IQSEC1: variants seen among roughly 807,000 people sequenced by gnomAD.
IQSEC1 encodes IQ motif and SEC7 domain-containing protein 1.
A neutral mutation model predicts 91.0 loss-of-function variants in IQSEC1; 31 were observed. The observed-to-expected ratio is 0.34, with a 90% confidence interval of 0.26 to 0.46. IQSEC1 has a LOEUF of 0.46. IQSEC1 is among the 20% of genes least tolerant of loss of function. The pLI is 1.00. For synonymous variants in IQSEC1, 699 were observed against 662.6 expected (o/e 1.05, Z -0.84); for missense variants, 1,388 against 1,575.6 (o/e 0.88, Z 2.02).
chr3:13,255,099 T>C (rs545941035), intron 1 of IQSEC1, among the ~76,000 whole-genome samples: 49 of 152,326 alleles, frequency 3.2e-4, no homozygotes, highest in African/African-American at 1.1e-3. Context: ...TCAAAACTAA[T>C]TTTCTGGTAC....
upstream of IQSEC1, among the ~76,000 whole-genome samples, chr3:13,075,069 A>G (rs891504544): frequency 6.6e-6 from 1 of 152,164 alleles, no homozygotes; most frequent in African/African-American, 2.4e-5. Context: ...CATATGCATG[A>G]CCAATCTTCC....
At chr3:12,907,591 C>T (rs1332996417) in intron 12 of IQSEC1, among the ~76,000 whole-genome samples, 1 of 152,248 alleles carries the variant, frequency 6.6e-6, no homozygotes, top group Non-Finnish European at 1.5e-5. Flanking sequence ...CCGGCACCCA[C>T]CGGTCGGCCA....
At chr3:13,033,770 G>C (rs533237252) in intron 1 of IQSEC1, among the ~76,000 whole-genome samples, 1 of 152,134 alleles carries the variant, frequency 6.6e-6, no homozygotes, top group Non-Finnish European at 1.5e-5. Context: ...CTGAGCTTCT[G>C]TTCAATTCAG....
intron 1 of IQSEC1, among the ~76,000 whole-genome samples, chr3:13,026,947 T>C (rs185450518): frequency 1.3e-5 from 2 of 149,178 alleles, no homozygotes; most frequent in East Asian, 3.9e-4. Context: ...CAGGATGATA[T>C]ATAAACCCAG....
chr3:13,060,042 T>G (rs931655475), intron 1 of IQSEC1, among the ~76,000 whole-genome samples: 6 of 152,196 alleles, frequency 3.9e-5, no homozygotes, highest in African/African-American at 1.4e-4. Context: ...GGAACGACTG[T>G]GCTGAGTGCC....
At chr3:13,242,685 G>T (rs1264012335) in intron 1 of IQSEC1, among the ~76,000 whole-genome samples, 1 of 152,192 alleles carries the variant, frequency 6.6e-6, no homozygotes, top group African/African-American at 2.4e-5. Context: ...TCCTAGGATT[G>T]GTGCTCGTGC....
At chr3:13,225,421 C>T (rs1049785412) in intron 1 of IQSEC1, among the ~76,000 whole-genome samples, 11 of 152,182 alleles carry the variant, frequency 7.2e-5, no homozygotes, top group African/African-American at 2.4e-4. Context: ...TGATTGTATG[C>T]GATTCTGTTA....
intron 1 of IQSEC1, among the ~76,000 whole-genome samples, chr3:12,968,105 C>A (rs1482209525): frequency 6.6e-6 from 1 of 152,230 alleles, no homozygotes; most frequent in Non-Finnish European, 1.5e-5. Context: ...GTAACCACAA[C>A]AAATGCACAG....
chr3:13,177,267 C>T (rs1203493526), intron 1 of IQSEC1, among the ~76,000 whole-genome samples: 2 of 152,218 alleles, frequency 1.3e-5, no homozygotes, highest in South Asian at 2.1e-4. Context: ...AAGGAAGGAG[C>T]TCTAATAGGA....
chr3:13,181,227 C>T (rs979428182), intron 1 of IQSEC1, among the ~76,000 whole-genome samples: 39 of 152,164 alleles, frequency 2.6e-4, no homozygotes, highest in Non-Finnish European at 3.8e-4. Context: ...GCCAAGATCA[C>T]GCCACTGCAC....
chr3:13,114,850 G>A (rs931204598), intron 2 of IQSEC1, among the ~76,000 whole-genome samples: 5 of 152,136 alleles, frequency 3.3e-5, no homozygotes, highest in Middle Eastern at 3.4e-3. Context: ...GATGGGTGAC[G>A]GGTGCCAAAG....
intron 1 of IQSEC1, among the ~76,000 whole-genome samples, chr3:12,982,548 G>GA (rs1701517035): frequency 6.6e-6 from 1 of 152,152 alleles, no homozygotes; most frequent in Non-Finnish European, 1.5e-5. Flanking sequence ...TGCCATTAAA[G>GA]AAAAAAATGT....
intron 1 of IQSEC1, among the ~76,000 whole-genome samples, chr3:13,019,786 G>A (rs1323561819): frequency 1.3e-5 from 2 of 152,162 alleles, no homozygotes; most frequent in African/African-American, 2.4e-5. Context: ...CATTGGTGGT[G>A]AGGAGGCCAC....
Position 13,154,444 on chromosome 3 carries a change from T to TACATAC in IQSEC1, c.302+9659_302+9660insGTATGT, listed in dbSNP as rs1559265481. Reference sequence around the variant, plus strand: ...GGAAGCTGGAACTTACATGCATATATATATATATATATATATATATATATA... The same window carrying TACATAC: ...GGAAGCTGGAACTTACATGCATATATACATACATATATATATATATATATATATATA... On this transcript the variant is annotated intron_variant, in intron 2 of 15. Coordinates refer to the IQSEC1 transcript ENST00000648114. Among the ~76,000 whole-genome samples the TACATAC allele has an allele frequency of 5.4e-5, 3 of 55,378 alleles. 1 individual carries two copies. Among genetic ancestry groups the TACATAC allele is most frequent in the African/African-American group, 2.3e-4 (3 of 12,860 alleles). The allele number at this position is 55,378 out of a possible 152,430, so 36.3% of individuals were successfully genotyped here. A position where few individuals can be genotyped will look rare whatever the true frequency, so the allele number is the denominator to read the frequency against.
intron 1 of IQSEC1, among the ~76,000 whole-genome samples, chr3:12,963,404 C>T (rs1700363292): frequency 6.6e-6 from 1 of 152,264 alleles, no homozygotes; most frequent in Non-Finnish European, 1.5e-5. Context: ...AAAAGCCACA[C>T]AGGCTCTAGA....
intron 1 of IQSEC1, among the ~76,000 whole-genome samples, chr3:13,194,479 C>T (rs754221502): frequency 5.9e-5 from 9 of 152,150 alleles, no homozygotes; most frequent in East Asian, 1.9e-4. Context: ...CACTGCCCAC[C>T]GCTCTGTGAT....
chr3:12,986,756 G>A (rs1371071961), intron 1 of IQSEC1, among the ~76,000 whole-genome samples: 1 of 152,194 alleles, frequency 6.6e-6, no homozygotes, highest in African/African-American at 2.4e-5. Context: ...GAGCTGGGAC[G>A]AGAACCAGGC....
chr3:13,050,814 C>T (rs761551421), intron 1 of IQSEC1, among the ~76,000 whole-genome samples: 1 of 152,184 alleles, frequency 6.6e-6, no homozygotes, highest in Non-Finnish European at 1.5e-5. Flanking sequence ...AAAAGATTTG[C>T]ATGATATTCA....
intron 1 of IQSEC1, among the ~76,000 whole-genome samples, chr3:13,204,069 C>T (rs1476062272): frequency 6.6e-6 from 1 of 152,222 alleles, no homozygotes. Context: ...TGGGGCTGTC[C>T]GGCCTTCAGA....
Sources: gnomAD v4.1 joint callset for allele counts (sites outside exome capture counted in the v4.1 genomes callset) on GRCh38, gnomAD v4.1.1 for gene constraint, MANE v1.5 for transcripts, NCBI Gene and HGNC (gene_info 2026-07-23, HGNC 2026-07-21) for gene names.